Variants in CARD8 observed in about 807,000 individuals in gnomAD.
CARD8 encodes the protein caspase recruitment domain family member 8, also known as caspase recruitment domain-containing protein 8.
CARD8 carries 38 observed loss-of-function variants against 53.2 expected under a neutral mutation model. The observed-to-expected ratio is 0.71, with a 90% CI of 0.55 to 0.94. CARD8 has a LOEUF of 0.94. Among genes scored for constraint, CARD8 ranks in the 40% least tolerant of loss-of-function variants. CARD8 has a pLI of 0.00. For synonymous variants in CARD8, 245 were observed against 244.9 expected (o/e 1.00, Z 0.00); for missense variants, 561 against 655.5 (o/e 0.86, Z 1.57).
chr19:48,232,715 G>A (rs1325045238), intron 6 of CARD8: 1 of 668,070 alleles, frequency 1.5e-6, no homozygotes, highest in Admixed American at 2.0e-5. Flanking sequence ...ATCACTCACG[G>A]CTATAACACT....
chr19:48,207,877 A>T (rs1483427795), downstream of CARD8, among the ~76,000 whole-genome samples: 1 of 151,484 alleles, frequency 6.6e-6, no homozygotes, highest in Non-Finnish European at 1.5e-5. Context: ...CTGGGATTAC[A>T]GACATGCACC....
At chr19:48,206,330 G>C, downstream of CARD8, 3 of 410,868 alleles carry the variant, frequency 7.3e-6, no homozygotes, top group South Asian at 5.2e-5. Context: ...ACATGTGGGT[G>C]CATTACATTA....
intron 5 of CARD8, among the ~76,000 whole-genome samples, chr19:48,235,015 C>G (rs1023909984): frequency 9.2e-5 from 14 of 152,208 alleles, no homozygotes; most frequent in African/African-American, 3.4e-4. Flanking sequence ...TTATAAGAAC[C>G]CATGGAACAG....
Position 48,230,871 on chromosome 19 carries a change from T to C in CARD8, c.678A>G (p.Glu226=). ...QHLALDLQHH[E]QWLVGGPLFD... ...ACAAGGGGCCGCCCACCAGCCACTG[T>C]TCATGGTGCTGCAGGTCCAGGGCCA... is the stretch of plus-strand genomic sequence containing the variant. Residue 226 remains glutamate, a synonymous_variant, in exon 9 of 14, where the codon GAA becomes GAG. Transcript: ENST00000651546. 1.2e-6 allele frequency: 2 copies of C among 1,614,174 alleles called. No individual in the cohort carries two copies. The highest frequency in any genetic ancestry group is 1.7e-6 in the Non-Finnish European group (2 of 1,180,024).
chr19:48,223,741 T>C, intron 10 of CARD8: 1 of 419,288 alleles, frequency 2.4e-6, no homozygotes, highest in Non-Finnish European at 4.7e-6. Flanking sequence ...TTTCTTAACC[T>C]TCTTTATTTG....
downstream of CARD8, chr19:48,204,209 A>G: frequency 2.2e-6 from 1 of 455,666 alleles, no homozygotes; most frequent in Non-Finnish European, 4.4e-6. Context: ...AGCGCGCAGG[A>G]GGGGGATTCA....
Position 48,209,811 on chromosome 19 carries a change from C to T in CARD8, c.*1899G>A, listed in dbSNP as rs933787805. The T allele has an allele frequency of 1.1e-4, 17 of 152,352 alleles. 1 individual carries two copies. Among genetic ancestry groups the T allele is most frequent in the East Asian group, 9.4e-4 (5 of 5,322 alleles). The allele number at this position is 152,352 out of a possible 1,614,324, so 9.4% of individuals were successfully genotyped here. On this transcript the variant is annotated 3_prime_UTR_variant, in exon 14 of 14. Coordinates refer to ENST00000651546, the MANE Select transcript of CARD8 (RefSeq NM_001184900.3). The stretch of plus-strand genomic sequence containing the variant: ...AGAGTAGCAAAGCATATGAATTTTA[C>T]AGTAGAAGACATGAGAAGGATATAA...
chr19:48,249,953 A>G (rs2046735329), intron 1 of CARD8, 106 bp from the exon 2 acceptor site: 1 of 152,226 alleles, frequency 6.6e-6, no homozygotes, highest in Non-Finnish European at 1.5e-5. Flanking sequence ...GCATCCTGTT[A>G]GTCATAGCTT....
intron 12 of CARD8, among the ~76,000 whole-genome samples, chr19:48,216,196 AAAC>A (rs2039263539): frequency 6.6e-6 from 1 of 151,960 alleles, no homozygotes; most frequent in African/African-American, 2.4e-5. Flanking sequence ...ATAAAAAAGT[AAAC>A]AATGTAAAAA....
At chr19:48,218,353 C>CTTTTT (rs770280304) in intron 12 of CARD8, among the ~76,000 whole-genome samples, 1 of 109,036 alleles carries the variant, frequency 9.2e-6, no homozygotes, top group African/African-American at 3.5e-5. Context: ...TTATCTTCTT[C>CTTTTT]TTTTTTTTTT....
chr19:48,219,058 G>C, intron 11 of CARD8, 46 bp from the exon 12 acceptor site: 1 of 1,599,558 alleles, frequency 6.3e-7, no homozygotes, highest in Non-Finnish European at 8.6e-7. Flanking sequence ...AGGGTGGAAA[G>C]GCCCGGCTCC....
intron 4 of CARD8, among the ~76,000 whole-genome samples, chr19:48,240,506 C>T (rs553818513): frequency 6.6e-6 from 1 of 152,278 alleles, no homozygotes; most frequent in African/African-American, 2.4e-5. Context: ...CAGTGGCTCA[C>T]TCCTGTAATC....
Position 48,230,684 on chromosome 19 carries a change from G to A in CARD8, c.789C>T (p.Val263=). 1 of 1,613,952 alleles carries A rather than the reference G, an allele frequency of 6.2e-7. No homozygotes were observed. Among genetic ancestry groups the A allele is most frequent in the Non-Finnish European group, 8.5e-7 (1 of 1,179,898 alleles). Residue 263 remains valine, a synonymous_variant, in exon 10 of 14, where the codon GTC becomes GTT. Transcript: ENST00000651546. ...TAAAATGGGCAACGAGAAACCAGGAGACGTCCACCTCACCTGCTGCAGGAG... is the reference window on the plus strand; with the variant it reads ...TAAAATGGGCAACGAGAAACCAGGAAACGTCCACCTCACCTGCTGCAGGAG... The part of the protein sequence containing the change: ...FISLQAGEVD[V]SWFLVAHFKN...
rs150900973 is a variant in CARD8, at chr19:48,221,008, AAAAG to A, written c.1161+718_1161+721del. On this transcript the variant is annotated intron_variant, in intron 11 of 13. Coordinates refer to ENST00000651546, the MANE Select transcript of CARD8 (RefSeq NM_001184900.3). ...AAGGAAGGAAGGAAAGAAAGAAAGA[AAAAG>A]AAAGAAAGAAAGAGAGAAAGAGGGA... 5.7e-5 allele frequency among the ~76,000 whole-genome samples: 7 copies of A among 122,020 alleles called. No individual in the cohort carries two copies. In the South Asian group the frequency reaches 1.0e-3, roughly 18 times the overall value. The allele number at this position is 122,020 out of a possible 152,430, so 80.0% of individuals were successfully genotyped here.
At chr19:48,207,621 T>C (rs1473179308), downstream of CARD8, among the ~76,000 whole-genome samples, 1 of 152,128 alleles carries the variant, frequency 6.6e-6, no homozygotes. Context: ...AGTTTTCTGT[T>C]TGTTTACTCA....
intron 13 of CARD8, among the ~76,000 whole-genome samples, chr19:48,214,325 A>C (rs997858602): frequency 6.6e-6 from 1 of 152,212 alleles, no homozygotes; most frequent in South Asian, 2.1e-4. Context: ...TCTCTCTAAA[A>C]TAATAATTGG....
intron 3 of CARD8, among the ~76,000 whole-genome samples, chr19:48,245,249 G>A (rs1420389698): frequency 6.6e-6 from 1 of 152,008 alleles, no homozygotes; most frequent in Non-Finnish European, 1.5e-5. Flanking sequence ...TCCCTCTGTC[G>A]CTCAGGCTGT....
intron 1 of CARD8, among the ~76,000 whole-genome samples, chr19:48,253,412 G>A (rs1600785747): frequency 6.6e-6 from 1 of 152,206 alleles, no homozygotes; most frequent in Admixed American, 6.5e-5. Context: ...ATACTCATCT[G>A]CAAAAATGTT....
At chr19:48,203,986 G>T, downstream of CARD8, 1 of 339,524 alleles carries the variant, frequency 2.9e-6, no homozygotes, top group South Asian at 2.1e-5. Flanking sequence ...TAGAACCCGC[G>T]GGCCCAGAGC....
Sources: allele counts gnomAD v4.1 joint callset (sites outside exome capture counted in the v4.1 genomes callset), GRCh38; gene constraint gnomAD v4.1.1; transcripts MANE v1.5; gene names NCBI Gene and HGNC (gene_info 2026-07-23, HGNC 2026-07-21).